EWSR1: variants seen among roughly 807,000 people sequenced by gnomAD.
EWSR1 encodes EWS RNA binding protein 1.
A neutral mutation model predicts 92.1 loss-of-function variants in EWSR1; 14 were observed. The ratio of observed to expected loss-of-function variants is 0.15; its 90% CI spans 0.10 to 0.24. The LOEUF is 0.24. EWSR1 is among the 10% of genes least tolerant of loss of function. The pLI is 1.00. For synonymous variants in EWSR1, 303 were observed against 292.9 expected, an observed-to-expected ratio of 1.03 and a Z score of -0.35; for missense variants, 637 against 870.9, an observed-to-expected ratio of 0.73 and a Z score of 3.38.
At chr22:29,279,679 G>A (rs531936631) in intron 5 of EWSR1, among the ~76,000 whole-genome samples, 2 of 152,230 alleles carry the variant, frequency 1.3e-5, no homozygotes, top group African/African-American at 2.4e-5. Context: ...CTAGAGGTAA[G>A]AAATTAGCTC....
At chr22:29,282,259 T>G (rs963738215) in intron 5 of EWSR1, 131 bp from the exon 6 acceptor site, 1 of 693,594 alleles carries the variant, frequency 1.4e-6, no homozygotes, top group African/African-American at 1.9e-5. Flanking sequence ...ATTATTGTAT[T>G]TATTTCCAGG....
intron 5 of EWSR1, among the ~76,000 whole-genome samples, chr22:29,279,831 A>G (rs779647083): frequency 6.6e-6 from 1 of 152,232 alleles, no homozygotes; most frequent in Non-Finnish European, 1.5e-5. Flanking sequence ...TCCGAGTGTC[A>G]TCAGATGTAT....
At chr22:29,277,739 A>T (rs1344388069) in intron 4 of EWSR1, 1 of 355,334 alleles carries the variant, frequency 2.8e-6, no homozygotes, top group Non-Finnish European at 5.2e-6. Flanking sequence ...TCCTATTCAC[A>T]GCATTCAAGA....
chr22:29,288,556 C>T (rs1279589248), intron 7 of EWSR1, 50 bp from the exon 8 acceptor site: 7 of 1,511,068 alleles, frequency 4.6e-6, no homozygotes, highest in Non-Finnish European at 5.4e-6. Context: ...GTACATCAGG[C>T]AGTGGTGTAA....
chr22:29,269,854 G>A (rs142646759), intron 1 of EWSR1, among the ~76,000 whole-genome samples: 158 of 152,338 alleles, frequency 1.0e-3, no homozygotes, highest in African/African-American at 3.7e-3. Flanking sequence ...GTGGCTGGAC[G>A]TGCCTTTTTT....
Position 29,284,624 on chromosome 22 carries a change from T to C in EWSR1, c.581+2067T>C, listed in dbSNP as rs528891742. Among the ~76,000 whole-genome samples the C allele has an allele frequency of 1.4e-4, 21 of 149,036 alleles. No individual in the cohort carries two copies. The East Asian group carries it at 4.1e-3, about 29-fold the overall frequency. On this transcript the variant is annotated intron_variant, in intron 6 of 16. Coordinates refer to ENST00000397938, the MANE Select transcript of EWSR1 (RefSeq NM_005243.4). ...GTGAGGGATGTGGTGTGTTAGAAGC[T>C]TTGTTTGTTTGTTTATTTTTGGAGA...
intron 7 of EWSR1, 108 bp downstream of exon 7, chr22:29,287,242 C>T: frequency 8.9e-7 from 1 of 1,119,526 alleles, no homozygotes. Flanking sequence ...GAGTTTCACT[C>T]TTGGGGCTGA....
rs2061185497 is a variant in EWSR1, at chr22:29,299,681, G to A, written c.1761G>A (p.Met587Ile). 6 of 1,612,604 alleles carry A rather than the reference G, an allele frequency of 3.7e-6. No homozygotes were observed. The highest frequency in any genetic ancestry group is 3.3e-5 in the Admixed American group (2 of 59,932). Residue 587 changes from methionine (M) to isoleucine (I), a missense_variant, in exon 16 of 17, where the codon ATG becomes ATA. Around this residue, in one of 5 missense-constraint regions of EWSR1, gnomAD observed 363 missense variants for 447.8 expected, o/e 0.81. Transcript: ENST00000397938. ...TGGATCGTGGTGGTCCCGGTGGAAT[G>A]TTCAGAGGTGGCCGTGGTGGAGACA... ...GLMDRGGPGG[M>I]FRGGRGGDRG...
chr22:29,274,246 T>G (rs1421592284), intron 4 of EWSR1: 2 of 1,613,744 alleles, frequency 1.2e-6, no homozygotes, highest in Admixed American at 3.3e-5. Flanking sequence ...CTCTACTTTT[T>G]GTTTTGTGCT....
At chr22:29,268,659 C>T (rs925778086) in intron 1 of EWSR1, among the ~76,000 whole-genome samples, 1 of 152,144 alleles carries the variant, frequency 6.6e-6, no homozygotes, top group African/African-American at 2.4e-5. Flanking sequence ...GCCACGTGGG[C>T]GGGGCCTGCG....
intron 5 of EWSR1, among the ~76,000 whole-genome samples, chr22:29,281,765 T>G (rs1880253064): frequency 6.6e-6 from 1 of 151,540 alleles, no homozygotes; most frequent in Admixed American, 6.6e-5. Flanking sequence ...TTTTGTATTT[T>G]TAGTAGAGAC....
At chr22:29,268,498 G>T (rs1278484860) in intron 1 of EWSR1, 149 bp downstream of exon 1, 4 of 1,432,234 alleles carry the variant, frequency 2.8e-6, no homozygotes, top group South Asian at 2.3e-5. Context: ...TCGGGGATCC[G>T]CATTCCTCTC....
intron 13 of EWSR1, among the ~76,000 whole-genome samples, chr22:29,298,306 G>C (rs1476005455): frequency 6.6e-6 from 1 of 152,088 alleles, no homozygotes; most frequent in Non-Finnish European, 1.5e-5. Flanking sequence ...AGGAGTTTAA[G>C]ACCAGCCTGG....
rs1035841032 is a variant in EWSR1, at chr22:29,299,586, A to G, written c.1679-13A>G. 1.1e-5 allele frequency: 18 copies of G among 1,579,606 alleles called. No individual in the cohort carries two copies. Among genetic ancestry groups the G allele is most frequent in the African/African-American group, 9.4e-5 (7 of 74,460 alleles). ...ACCCACTGACTGCTTTCGCCCTGCT[A>G]TTCTCACCTTAGGTGGTGATCGTGG... On this transcript the variant is annotated splice_polypyrimidine_tract_variant and intron_variant, in intron 15 of 16. Transcript: ENST00000397938.
At chr22:29,290,795 CAG>C (rs1232670954) in intron 8 of EWSR1, 2 of 660,158 alleles carry the variant, frequency 3.0e-6, no homozygotes, top group East Asian at 4.8e-5. Flanking sequence ...AGAAAAAACT[CAG>C]GGCCTCCCAC....
At chr22:29,289,576 C>A in intron 8 of EWSR1, 1 of 231,854 alleles carries the variant, frequency 4.3e-6, no homozygotes, top group Non-Finnish European at 8.5e-6. Flanking sequence ...TGGTGGTTAA[C>A]ATAATCCAGA....
At chr22:29,294,670 C>G (rs1263897171) in intron 11 of EWSR1, among the ~76,000 whole-genome samples, 1 of 150,812 alleles carries the variant, frequency 6.6e-6, no homozygotes, top group African/African-American at 2.4e-5. Flanking sequence ...AATCCCGGCA[C>G]TATGGGAGGC....
intron 15 of EWSR1, 97 bp downstream of exon 15, chr22:29,299,428 C>G: frequency 6.6e-7 from 1 of 1,522,688 alleles, no homozygotes; most frequent in Non-Finnish European, 8.8e-7. Context: ...CTCTGCTTAA[C>G]AACTTTGAGT....
At chr22:29,278,313 G>A (rs946485708) in intron 5 of EWSR1, 97 bp downstream of exon 5, 15 of 1,242,202 alleles carry the variant, frequency 1.2e-5, no homozygotes, top group Admixed American at 4.9e-5. Context: ...TTCCTTATTA[G>A]TGGTTGCTTT....
Sources: gnomAD v4.1 joint callset for allele counts (sites outside exome capture counted in the v4.1 genomes callset) on GRCh38, gnomAD v4.1.1 for gene constraint, gnomAD v4.1.1 regional missense constraint, MANE v1.5 for transcripts, NCBI Gene and HGNC (gene_info 2026-07-23, HGNC 2026-07-21) for gene names.